Variants in PCDHA3 observed in about 807,000 individuals in gnomAD.
PCDHA3 encodes protocadherin alpha 3.
Under a neutral mutation model 62.2 loss-of-function variants are expected in PCDHA3, and 41 were observed. The ratio of observed to expected loss-of-function variants is 0.66; its 90% CI spans 0.51 to 0.86. The LOEUF (loss-of-function observed/expected upper bound fraction) is 0.86, where lower values mean the gene tolerates loss of function less well. Ranked by LOEUF, PCDHA3 falls within the 40% of genes least tolerant of loss-of-function variation. PCDHA3 has a pLI of 0.00. For missense variants in PCDHA3, 1,304 were observed against 1,241.2 expected, an observed-to-expected ratio of 1.05 and a Z score of -0.76; for synonymous variants, 640 against 555.4, an observed-to-expected ratio of 1.15 and a Z score of -2.14.
intron 1 of PCDHA3, chr5:140,851,041 G>T: frequency 7.2e-7 from 1 of 1,393,950 alleles, no homozygotes. Context: ...TAACATTGGA[G>T]CCGACTTTGT....
intron 3 of PCDHA3, among the ~76,000 whole-genome samples, chr5:140,998,715 C>T (rs535565356): frequency 2.6e-5 from 4 of 152,236 alleles, no homozygotes; most frequent in African/African-American, 9.6e-5. Flanking sequence ...CAAGCTTGCA[C>T]CACCACGCTA....
intron 3 of PCDHA3, among the ~76,000 whole-genome samples, chr5:141,002,682 G>T (rs536105955): frequency 6.6e-6 from 1 of 152,140 alleles, no homozygotes; most frequent in Non-Finnish European, 1.5e-5. Flanking sequence ...CCTATACGAC[G>T]TGCAGATTTG....
intron 1 of PCDHA3, among the ~76,000 whole-genome samples, chr5:140,916,064 T>G (rs1282899200): frequency 1.3e-5 from 2 of 152,156 alleles, no homozygotes; most frequent in African/African-American, 4.8e-5. Flanking sequence ...CCTCTCCCTG[T>G]GGCCAGTACT....
At chr5:140,976,794 A>T (rs1199342082) in intron 1 of PCDHA3, among the ~76,000 whole-genome samples, 1 of 152,230 alleles carries the variant, frequency 6.6e-6, no homozygotes, top group East Asian at 1.9e-4. Context: ...CTACGCTTTT[A>T]TGAATATCTG....
At position 140,809,155 on chromosome 5, in the gene PCDHA3, G is replaced by T. The variant is rs567757480; in HGVS notation, c.2394+5564G>T. On this transcript the variant is annotated intron_variant, in intron 1 of 3. Coordinates refer to ENST00000522353, the MANE Select transcript of PCDHA3 (RefSeq NM_018906.3). Reference sequence around the variant, plus strand: ...TGGTACTGGTGAAGGACCACGGCGAGCCCGCGCTGACGGCCACGGCCACTG... The same window carrying T: ...TGGTACTGGTGAAGGACCACGGCGATCCCGCGCTGACGGCCACGGCCACTG... 5 of 1,613,980 alleles carry T rather than the reference G, an allele frequency of 3.1e-6. No homozygotes were observed. In the East Asian group the frequency reaches 8.9e-5, roughly 29 times the overall value.
intron 1 of PCDHA3, among the ~76,000 whole-genome samples, chr5:140,913,412 T>G (rs2076324998): frequency 6.6e-6 from 1 of 152,222 alleles, no homozygotes; most frequent in African/African-American, 2.4e-5. Context: ...TTTGAATTCC[T>G]GCAGTATCAG....
chr5:140,809,308 G>A, intron 1 of PCDHA3: 18 of 1,614,122 alleles, frequency 1.1e-5, no homozygotes, highest in Non-Finnish European at 1.5e-5. Context: ...TCTGCGCGGT[G>A]TCCAGCCTTT....
chr5:140,843,708 G>A, intron 1 of PCDHA3: 1 of 1,577,200 alleles, frequency 6.3e-7, no homozygotes, highest in South Asian at 1.1e-5. Context: ...GTTGATCATG[G>A]CCTCAAAGTA....
intron 1 of PCDHA3, among the ~76,000 whole-genome samples, chr5:140,840,357 T>G (rs1554137775): frequency 6.6e-6 from 1 of 151,884 alleles, no homozygotes; most frequent in Non-Finnish European, 1.5e-5. Flanking sequence ...CAGGTAAAAA[T>G]GTCAGGTAGA....
At chr5:140,829,288 C>T (rs1263558047) in intron 1 of PCDHA3, 3 of 1,614,248 alleles carry the variant, frequency 1.9e-6, no homozygotes, top group Non-Finnish European at 1.7e-6. Context: ...AGCTGGTGTC[C>T]ACCTTCAAGA....
intron 1 of PCDHA3, among the ~76,000 whole-genome samples, chr5:140,952,114 A>G (rs246038): frequency 0.56 from 85,531 of 151,814 alleles, 24,721 homozygotes; most frequent in African/African-American, 0.69. Flanking sequence ...CGTGTGAGGG[A>G]TGGGCTCCCA....
chr5:140,862,131 G>C (rs375206364), intron 1 of PCDHA3: 1 of 162,230 alleles, frequency 6.2e-6, no homozygotes, highest in Non-Finnish European at 1.4e-5. Context: ...TGTAAAGATA[G>C]GTTTTGAGGA....
chr5:140,967,539 A>G (rs1554229656), intron 1 of PCDHA3: 2 of 1,613,730 alleles, frequency 1.2e-6, no homozygotes, highest in African/African-American at 1.3e-5. Flanking sequence ...CCTGCCTTTG[A>G]CCAGTCCACT....
chr5:140,884,840 A>G (rs2060380495), intron 1 of PCDHA3: 7 of 888,512 alleles, frequency 7.9e-6, no homozygotes, highest in Non-Finnish European at 1.1e-5. Flanking sequence ...TATCCTTCAG[A>G]GTGAAATCTT....
Position 140,871,256 on chromosome 5 carries a change from C to T in PCDHA3, c.2394+67665C>T, listed in dbSNP as rs781990448. ...CTGGTACTCACGCTGCTGCTGTATA[C>T]GGCGCTGTGGTGGTCGGCAACGCCC... On this transcript the variant is annotated intron_variant, in intron 1 of 3. Coordinates refer to ENST00000522353, the MANE Select transcript of PCDHA3 (RefSeq NM_018906.3). The T allele has an allele frequency of 4.3e-6, 7 of 1,613,866 alleles. No individual in the cohort carries two copies. Among genetic ancestry groups the T allele is most frequent in the East Asian group, 2.2e-5 (1 of 44,888 alleles).
At position 140,856,269 on chromosome 5, in the gene PCDHA3, T is replaced by C. The variant is rs367902357; in HGVS notation, c.2394+52678T>C. On this transcript the variant is annotated intron_variant, in intron 1 of 3. Transcript: ENST00000522353. ...GCGTCCAAAAGACACGGGGACCTTC[T>C]GGAGGTAAATCTGCAGAATGGCATT... 5.2e-5 allele frequency: 83 copies of C among 1,598,182 alleles called. 3 individuals are homozygous for C. In the South Asian group the frequency reaches 5.5e-4, roughly 11 times the overall value.
chr5:140,893,709 G>T lies in PCDHA3; in HGVS notation c.2395-85240G>T, dbSNP rs141117049. ...ATCTCATTCTATCCTAGCCTGTAAA[G>T]CTTCTGCTGAGAAATCTGCTGTTAG... is the stretch of plus-strand genomic sequence containing the variant. On this transcript the variant is annotated intron_variant, in intron 1 of 3. Transcript: ENST00000522353. 2.6e-3 allele frequency among the ~76,000 whole-genome samples: 396 copies of T among 152,250 alleles called. 2 individuals carry two copies. Among genetic ancestry groups the T allele is most frequent in the African/African-American group, 9.2e-3 (384 of 41,542 alleles).
chr5:140,883,356 C>T (rs147755059), intron 1 of PCDHA3: 31 of 1,614,190 alleles, frequency 1.9e-5, no homozygotes, highest in Non-Finnish European at 2.3e-5. Flanking sequence ...AGAGAAGACA[C>T]TCAGCCTAGC....
intron 1 of PCDHA3, among the ~76,000 whole-genome samples, chr5:140,890,189 G>C (rs1262049301): frequency 1.3e-5 from 2 of 152,102 alleles, no homozygotes; most frequent in Non-Finnish European, 2.9e-5. Context: ...CTACAAAACA[G>C]AGTTTTTTGT....
Sources: gnomAD v4.1 joint callset for allele counts (sites outside exome capture counted in the v4.1 genomes callset) on GRCh38, gnomAD v4.1.1 for gene constraint, MANE v1.5 for transcripts, NCBI Gene and HGNC (gene_info 2026-07-23, HGNC 2026-07-21) for gene names.